RYR1: variants seen among roughly 807,000 people sequenced by gnomAD.
RYR1 encodes central core disease of muscle.
RYR1 carries 342 observed loss-of-function variants against 583.5 expected under a neutral mutation model. That is an observed-to-expected ratio of 0.59 (90% CI 0.54 to 0.64). The LOEUF (loss-of-function observed/expected upper bound fraction) is 0.64. Ranked by LOEUF, RYR1 falls within the 30% of genes least tolerant of loss-of-function variation. The pLI, the probability that RYR1 is intolerant of heterozygous loss-of-function variation, is 0.00. For missense variants in RYR1, 6,032 were observed against 6,917.2 expected, an observed-to-expected ratio of 0.87 and a Z score of 4.54; for synonymous variants, 2,791 against 2,822.5, an observed-to-expected ratio of 0.99 and a Z score of 0.35.
chr19:38,517,183 A>T (rs185763052), intron 65 of RYR1, among the ~76,000 whole-genome samples, 176 bp from the exon 66 acceptor site: 3 of 151,388 alleles, frequency 2.0e-5, no homozygotes, highest in African/African-American at 7.3e-5. Flanking sequence ...CTGAGTTTCA[A>T]TGTGAGGGTT....
At position 38,505,256 on chromosome 19, in the gene RYR1, C is replaced by T. The variant is rs367751232; in HGVS notation, c.8311-53C>T. ...GTCCTCGGCTCCTCCAGGGTCGCCC[C>T]GTGTGTCCCCAACTGCTGCCTCCCC... On this transcript the variant is annotated intron_variant, in intron 52 of 105. Coordinates refer to ENST00000359596, the MANE Select transcript of RYR1 (RefSeq NM_000540.3). The T allele has an allele frequency of 6.6e-6, 9 of 1,357,774 alleles. No individual in the cohort carries two copies. In the East Asian group the frequency reaches 7.0e-5, roughly 11 times the overall value. 84.1% of individuals were successfully genotyped at this position (1,357,774 alleles called of 1,614,324 possible).
intron 94 of RYR1, among the ~76,000 whole-genome samples, chr19:38,571,139 G>A (rs1018335354): frequency 1.3e-5 from 2 of 152,216 alleles, no homozygotes. Flanking sequence ...AGGACAAAGG[G>A]ACCCTTGGGG....
Position 38,578,037 on chromosome 19 carries a change from G to A in RYR1, c.14292G>A (p.Gly4764=). Residue 4764 remains glycine (G), a synonymous_variant, in exon 98 of 106, where the codon GGG becomes GGA. Transcript: ENST00000359596. ...HNERKPNPPP[G]LLTWLMSIDV... is the part of the protein sequence containing the mutation. ...AGCGCAAGCCCAACCCGCCGCCAGG[G>A]CTGCTGACCTGGTGAGCCCAGGACA... 1 of 1,614,114 alleles carries A rather than the reference G, an allele frequency of 6.2e-7. No individual in the cohort carries two copies. The highest frequency in any genetic ancestry group is 8.5e-7 in the Non-Finnish European group (1 of 1,180,014).
Position 38,457,536 on chromosome 19 carries a change from G to A in RYR1, c.1831G>A (p.Val611Met). The change falls in exon 17 of 106, where the codon GTG becomes ATG. Residue 611 changes from valine (V) to methionine (M), a missense_variant. Val to Met is a conservative substitution (Grantham distance 21). Coordinates refer to ENST00000359596, the MANE Select transcript of RYR1 (RefSeq NM_000540.3). ...VLCSLCVCNG[V>M]AVRSNQDLIT... ...ATGCTCCCTGTGTGTGTGTAATGGT[G>A]TGGCTGTACGCTCCAACCAAGATCT... The A allele has an allele frequency of 6.2e-7, 1 of 1,614,094 alleles. No homozygotes were observed.
At chr19:38,585,208 C>CACAGTAGCGAGAGGTA in intron 102 of RYR1, 109 bp downstream of exon 102, 1 of 1,352,172 alleles carries the variant, frequency 7.4e-7, no homozygotes, top group Non-Finnish European at 1.0e-6. Flanking sequence ...CTCTACCTCT[C>CACAGTAGCGAGAGGTA]GCTACTGTGA....
At chr19:38,489,691 C>T (rs935237153) in intron 35 of RYR1, among the ~76,000 whole-genome samples, 6 of 152,132 alleles carry the variant, frequency 3.9e-5, no homozygotes, top group Admixed American at 1.3e-4. Flanking sequence ...TACAGTGGTG[C>T]GATCTCGGCT....
intron 1 of RYR1, among the ~76,000 whole-genome samples, chr19:38,439,393 T>C (rs1341064201): frequency 1.3e-5 from 2 of 152,108 alleles, no homozygotes; most frequent in Non-Finnish European, 2.9e-5. Context: ...GAGACAGGGT[T>C]TCTCCATGTT....
At chr19:38,516,285 C>T (rs1970968408) in intron 65 of RYR1, 68 bp downstream of exon 65, 3 of 1,517,550 alleles carry the variant, frequency 2.0e-6, no homozygotes. Context: ...TTGGGGAGAC[C>T]CTAATTTGGG....
At chr19:38,484,364 T>TTCC (rs1568482550) in intron 33 of RYR1, among the ~76,000 whole-genome samples, 10 of 149,160 alleles carry the variant, frequency 6.7e-5, no homozygotes, top group African/African-American at 2.6e-4. Context: ...TCTTTCTTTC[T>TTCC]TTCCTTCCTT....
At chr19:38,446,655 G>A in intron 8 of RYR1, 39 bp from the exon 9 acceptor site, 1 of 1,607,230 alleles carries the variant, frequency 6.2e-7, no homozygotes, top group Non-Finnish European at 8.5e-7. Context: ...AGATTCCGGG[G>A]AGCTGAACCC....
rs755895206 is a variant in RYR1, at chr19:38,512,121, C to T, written c.9222C>T (p.Ser3074=). ...VVNCLHILAR[S]LDARTVMKSG... is the part of the protein sequence containing the mutation. ...ACTGTCTTCACATCCTGGCCCGCTC[C>T]CTGGATGCCAGGTAGGGCCATAGGC... is the stretch of plus-strand genomic sequence containing the variant. Residue 3074 remains serine (S), a synonymous_variant, in exon 62 of 106, where the codon TCC becomes TCT. Coordinates refer to ENST00000359596, the MANE Select transcript of RYR1 (RefSeq NM_000540.3). The surrounding 1 kb of genome is among the most constrained non-coding windows in gnomAD (Gnocchi z 5.1). The T allele has an allele frequency of 3.7e-6, 6 of 1,614,190 alleles. No homozygotes were observed. In the East Asian group the frequency reaches 6.7e-5, roughly 18 times the overall value.
chr19:38,541,609 A>C (rs1216624123), intron 84 of RYR1, among the ~76,000 whole-genome samples: 1 of 130,424 alleles, frequency 7.7e-6, no homozygotes, highest in Non-Finnish European at 1.6e-5. Context: ...CCAGCTACTC[A>C]GGAGGCTGAG....
chr19:38,542,572 G>T (rs1600984441), intron 84 of RYR1, among the ~76,000 whole-genome samples: 1 of 152,222 alleles, frequency 6.6e-6, no homozygotes, highest in East Asian at 1.9e-4. Context: ...AAGCTGGAGT[G>T]CAGTGGCATG....
In RYR1 at chr19:38,455,326, C is replaced by G; in HGVS notation, c.1532C>G (p.Ala511Gly). The G allele has an allele frequency of 1.9e-6, 3 of 1,614,108 alleles. No individual in the cohort carries two copies. Among genetic ancestry groups the G allele is most frequent in the Non-Finnish European group, 2.5e-6 (3 of 1,180,004 alleles). Residue 511 changes from alanine (A) to glycine (G), a missense_variant, in exon 14 of 106, where the codon GCC (alanine) becomes GGC (glycine). Physicochemically the swap from Ala to Gly is moderately conservative, Grantham distance 60. This residue lies in a region of RYR1 where 2,627 missense variants were observed against 2,961.3 expected (regional missense o/e 0.89). Coordinates refer to ENST00000359596, the MANE Select transcript of RYR1 (RefSeq NM_000540.3). Reference protein sequence around the residue: ...HFAEFAGEEAAESWKEIVNLL... With the variant: ...HFAEFAGEEAGESWKEIVNLL... ...GCTGAGTTTGCAGGGGAGGAGGCAG[C>G]CGAGTCCTGGAAAGAGATTGTGAAT...
chr19:38,500,549 C>T lies in RYR1; in HGVS notation c.7324-57C>T. On this transcript the variant is annotated intron_variant, in intron 45 of 105. Transcript: ENST00000359596. The surrounding 1 kb of genome is among the most constrained non-coding windows in gnomAD (Gnocchi z 5.9). ...GTGGTAAGGGAGGGAGCAGAGCAGT[C>T]ACTGAGTGGGGCACCAGCGCCTGAT... The T allele has an allele frequency of 6.2e-7, 1 of 1,610,168 alleles. No homozygotes were observed. The highest frequency in any genetic ancestry group is 8.5e-7 in the Non-Finnish European group (1 of 1,179,162).
At position 38,561,507 on chromosome 19, in the gene RYR1, G is replaced by A. The variant is rs1028524646; in HGVS notation, c.12624+53G>A. ...CGCCTCCTGGGGCTTCGGGCATGCG[G>A]GTGCTCACTTCCTGCACCCTCAGAC... is the stretch of plus-strand genomic sequence containing the variant. On this transcript the variant is annotated intron_variant, in intron 90 of 105. Coordinates refer to ENST00000359596, the MANE Select transcript of RYR1 (RefSeq NM_000540.3). This position sits in a 1 kb window ranked among gnomAD's most constrained non-coding sequence, Gnocchi z 4.8. The A allele has an allele frequency of 1.1e-5, 17 of 1,538,542 alleles. No individual in the cohort carries two copies. Among genetic ancestry groups the A allele is most frequent in the African/African-American group, 2.7e-5 (2 of 73,880 alleles).
chr19:38,527,504 C>A, intron 72 of RYR1, 143 bp from the exon 73 acceptor site: 1 of 1,098,134 alleles, frequency 9.1e-7, no homozygotes, highest in South Asian at 1.4e-5. Context: ...GGCGAGGCTC[C>A]GTCTCAAAAC....
Position 38,578,195 on chromosome 19 carries a change from C to T in RYR1, c.14355C>T (p.Phe4785=). 1 of 1,613,600 alleles carries T rather than the reference C, an allele frequency of 6.2e-7. No individual in the cohort carries two copies. Among genetic ancestry groups the T allele is most frequent in the Non-Finnish European group, 8.5e-7 (1 of 1,179,808 alleles). The change falls in exon 99 of 106, where the codon TTC becomes TTT. Residue 4785 remains phenylalanine, a synonymous_variant. Coordinates refer to ENST00000359596, the MANE Select transcript of RYR1 (RefSeq NM_000540.3). ...AGATCTGGAAGTTCGGGGTCATCTT[C>T]ACAGACAACGTGAGCAGGGGCCCAC... ...KYQIWKFGVI[F]TDNSFLYLGW... is the part of the protein sequence containing the mutation.
rs761022483 is a variant in RYR1 at position 38,467,674 on chromosome 19, A to T, written c.3243A>T (p.Thr1081=). ...VRIFRAEKSY[T]VQSGRWYFEF... ...TCTTCCGGGCAGAGAAATCCTATAC[A>T]GTGCAGAGCGGCCGCTGGTACTTCG... The change falls in exon 25 of 106, where the codon ACA becomes ACT. Residue 1081 remains threonine, a synonymous_variant. Transcript: ENST00000359596. 7 of 1,614,204 alleles carry T rather than the reference A, an allele frequency of 4.3e-6. No homozygotes were observed. In the South Asian group the frequency reaches 7.7e-5, roughly 18 times the overall value.
Sources: allele counts gnomAD v4.1 joint callset (sites outside exome capture counted in the v4.1 genomes callset), GRCh38; gene constraint gnomAD v4.1.1; regional missense constraint gnomAD v4.1.1; non-coding constraint Gnocchi (gnomAD v3.1); transcripts MANE v1.5; gene names NCBI Gene and HGNC (gene_info 2026-07-23, HGNC 2026-07-21).